The following MAP2 variants were observed in gnomAD, a reference collection of about 807,000 sequenced individuals.
MAP2 encodes microtubule associated protein 2, also known as microtubule-associated protein 2.
A neutral mutation model predicts 137.6 loss-of-function variants in MAP2; 14 were observed. The ratio of observed to expected loss-of-function variants is 0.10; its 90% confidence interval spans 0.07 to 0.16. The LOEUF (loss-of-function observed/expected upper bound fraction) is 0.16, where lower values mean the gene tolerates loss of function less well. Among genes scored for constraint, MAP2 ranks in the 10% least tolerant of loss-of-function variants. The probability of loss-of-function intolerance (pLI) is 1.00; values close to 1 mark genes in which losing one functional copy is unlikely to be tolerated. For synonymous variants in MAP2, 786 were observed against 782.3 expected, an observed-to-expected ratio of 1.00 and a Z score of -0.08; for missense variants, 2,088 against 2,191.5, an observed-to-expected ratio of 0.95 and a Z score of 0.94.
chr2:209,516,473 T>C (rs2062524066), intron 2 of MAP2, among the ~76,000 whole-genome samples: 1 of 152,116 alleles, frequency 6.6e-6, no homozygotes, highest in Non-Finnish European at 1.5e-5. Flanking sequence ...TTAAGGGGTT[T>C]TAAGTCAGCC....
rs2093997321 is a variant in MAP2 at position 209,641,199 on chromosome 2, C to T, written c.-29-11943C>T. 2.6e-5 allele frequency among the ~76,000 whole-genome samples: 4 copies of T among 152,000 alleles called. No homozygotes were observed. The South Asian group carries it at 8.3e-4, about 32-fold the overall frequency. Reference sequence around the variant, plus strand: ...CCTAAATTCTGCTTTGTAATGTCTGCAATTCTAGCCAATATTCTTCAGAGT... The same window carrying T: ...CCTAAATTCTGCTTTGTAATGTCTGTAATTCTAGCCAATATTCTTCAGAGT... On this transcript the variant is annotated intron_variant, in intron 4 of 15. Transcript: ENST00000682079.
intron 3 of MAP2, among the ~76,000 whole-genome samples, chr2:209,588,805 A>C (rs2078456559): frequency 6.6e-6 from 1 of 152,128 alleles, no homozygotes; most frequent in African/African-American, 2.4e-5. Flanking sequence ...AAACCTAAGT[A>C]GACTGCCTAT....
chr2:209,694,184 G>T lies in MAP2; in HGVS notation c.2014G>T (p.Asp672Tyr). The change falls in exon 8 of 16, where the codon GAC becomes TAC. Residue 672 changes from aspartate (D) to tyrosine (Y), a missense_variant. Physicochemically the swap from Asp to Tyr is radical, Grantham distance 160. Coordinates refer to ENST00000682079, the MANE Select transcript of MAP2 (RefSeq NM_001375505.1). ...TCCAAAAGTGTATGGAGAGAAAAGG[G>T]ACCTCCACAGTAAGAATAAGGATGA... Reference protein sequence around the residue: ...IDPKVYGEKRDLHSKNKDDLT... With the variant: ...IDPKVYGEKRYLHSKNKDDLT... 1 of 1,614,092 alleles carries T rather than the reference G, an allele frequency of 6.2e-7. No individual in the cohort carries two copies. Among genetic ancestry groups the T allele is most frequent in the Non-Finnish European group, 8.5e-7 (1 of 1,180,002 alleles).
rs1042521339 is a variant in MAP2, at chr2:209,460,341, A to G, written c.-222+36065A>G. On this transcript the variant is annotated intron_variant, in intron 1 of 15. Transcript: ENST00000682079. ...CTATGCCTATTCAGAGGAAAACAAC[A>G]TAGGTGGTTTTAAAAAGAACAAACT... is the stretch of plus-strand genomic sequence containing the variant. Among the ~76,000 whole-genome samples the G allele has an allele frequency of 3.9e-5, 6 of 152,204 alleles. No individual in the cohort carries two copies. In the South Asian group the frequency reaches 8.3e-4, roughly 21 times the overall value.
chr2:209,609,395 A>T (rs1307794162), intron 3 of MAP2, among the ~76,000 whole-genome samples: 1 of 152,128 alleles, frequency 6.6e-6, no homozygotes, highest in Non-Finnish European at 1.5e-5. Context: ...TAAATAGTTC[A>T]GTGATTTTTA....
intron 5 of MAP2, among the ~76,000 whole-genome samples, chr2:209,666,580 C>T (rs141166599): frequency 6.6e-6 from 1 of 152,156 alleles, no homozygotes; most frequent in Non-Finnish European, 1.5e-5. Flanking sequence ...TTATCTTGCT[C>T]ATATGATCCT....
At chr2:209,598,447 A>G (rs1235233067) in intron 3 of MAP2, among the ~76,000 whole-genome samples, 2 of 150,492 alleles carry the variant, frequency 1.3e-5, no homozygotes, top group Non-Finnish European at 3.0e-5. Flanking sequence ...TTTTTATTTT[A>G]TTTTTATTTT....
At chr2:209,723,743 G>A (rs1584665487) in intron 13 of MAP2, 1 of 1,165,378 alleles carries the variant, frequency 8.6e-7, no homozygotes. Flanking sequence ...CACCTGCACA[G>A]CCAGCACCCT....
intron 1 of MAP2, among the ~76,000 whole-genome samples, chr2:209,428,683 A>G (rs1349012512): frequency 6.6e-6 from 1 of 151,838 alleles, no homozygotes. Context: ...CTCCATCCCT[A>G]TCTTGGTCCT....
chr2:209,563,306 A>G (rs1040495408), intron 2 of MAP2, among the ~76,000 whole-genome samples: 2 of 152,072 alleles, frequency 1.3e-5, no homozygotes, highest in African/African-American at 4.8e-5. Context: ...TATGAGGATT[A>G]AACAAGTTAA....
intron 13 of MAP2, among the ~76,000 whole-genome samples, chr2:209,714,037 CA>C (rs200497849): frequency 1.4e-4 from 20 of 145,022 alleles, no homozygotes; most frequent in South Asian, 4.4e-4. Flanking sequence ...ACTAAAAGTA[CA>C]AAAAAAAAAG....
At chr2:209,524,242 C>G (rs536932942) in intron 2 of MAP2, among the ~76,000 whole-genome samples, 1 of 152,202 alleles carries the variant, frequency 6.6e-6, no homozygotes, top group South Asian at 2.1e-4. Flanking sequence ...AATTTAGAAT[C>G]AATTTTAATA....
chr2:209,725,588 T>G (rs989104794), intron 13 of MAP2, 121 bp from the exon 14 acceptor site: 1 of 489,952 alleles, frequency 2.0e-6, no homozygotes, highest in Non-Finnish European at 3.6e-6. Context: ...TACTTCAATT[T>G]GGGTTTCTAG....
intron 1 of MAP2, among the ~76,000 whole-genome samples, chr2:209,434,295 C>T (rs1251320447): frequency 2.0e-5 from 3 of 151,576 alleles, no homozygotes; most frequent in Non-Finnish European, 4.4e-5. Flanking sequence ...CTAAGCATGC[C>T]CTCAATAAAC....
At chr2:209,518,887 T>C (rs2062889365) in intron 2 of MAP2, among the ~76,000 whole-genome samples, 1 of 152,102 alleles carries the variant, frequency 6.6e-6, no homozygotes, top group African/African-American at 2.4e-5. Context: ...TTGGCACTAA[T>C]ATTACCAAGC....
intron 2 of MAP2, among the ~76,000 whole-genome samples, chr2:209,535,222 T>C (rs1577380938): frequency 1.3e-5 from 2 of 152,202 alleles, no homozygotes; most frequent in African/African-American, 4.8e-5. Flanking sequence ...AGCTAACGTG[T>C]TTTCAAGATT....
In MAP2 at chr2:209,695,074, A is replaced by G. The variant is rs757751507; in HGVS notation, c.2904A>G (p.Glu968=). 113 of 1,614,062 alleles carry G rather than the reference A, an allele frequency of 7.0e-5. No homozygotes were observed. Among genetic ancestry groups the G allele is most frequent in the Non-Finnish European group, 8.7e-5 (103 of 1,180,038 alleles). ...DRLDTVLEKS[E]EHADSKEHAK... is the part of the protein sequence containing the mutation. ...TGGATACTGTACTAGAAAAGAGTGAAGAACATGCTGATTCAAAAGAACATG... is the reference window on the plus strand; with the variant it reads ...TGGATACTGTACTAGAAAAGAGTGAGGAACATGCTGATTCAAAAGAACATG... Residue 968 remains glutamate, a synonymous_variant, in exon 8 of 16, where the codon GAA becomes GAG. Coordinates refer to ENST00000682079, the MANE Select transcript of MAP2 (RefSeq NM_001375505.1).
chr2:209,679,628 A>T (rs1221298154), intron 6 of MAP2, among the ~76,000 whole-genome samples: 3 of 152,100 alleles, frequency 2.0e-5, no homozygotes, highest in African/African-American at 7.2e-5. Flanking sequence ...TCTATTAAAA[A>T]GTAAGTAATA....
At chr2:209,568,157 C>T (rs1467952472) in intron 2 of MAP2, among the ~76,000 whole-genome samples, 1 of 151,880 alleles carries the variant, frequency 6.6e-6, no homozygotes, top group Non-Finnish European at 1.5e-5. Context: ...GGTACAAGGA[C>T]TAGAGGAAGA....
Sources: allele counts gnomAD v4.1 joint callset (sites outside exome capture counted in the v4.1 genomes callset), GRCh38; gene constraint gnomAD v4.1.1; transcripts MANE v1.5; gene names NCBI Gene and HGNC (gene_info 2026-07-23, HGNC 2026-07-21).